Variants in BTBD16 observed in about 807,000 individuals in gnomAD.
BTBD16 encodes BTB domain containing 16.
A neutral mutation model predicts 67.4 loss-of-function variants in BTBD16; 66 were observed. The ratio of observed to expected loss-of-function variants is 0.98; its 90% CI spans 0.80 to 1.20. The LOEUF (loss-of-function observed/expected upper bound fraction) is 1.20. Among genes scored for constraint, BTBD16 ranks in the 50% most tolerant of loss-of-function variants. The pLI is 0.00. For missense variants in BTBD16, 634 were observed against 616.0 expected (o/e 1.03, Z -0.31); for synonymous variants, 242 against 236.4 (o/e 1.02, Z -0.22).
chr10:122,299,925 G>T (rs992749508), intron 9 of BTBD16, among the ~76,000 whole-genome samples: 10 of 152,188 alleles, frequency 6.6e-5, no homozygotes, highest in Non-Finnish European at 1.3e-4. Context: ...CAGCATAAGT[G>T]CAGCCACGGG....
At chr10:122,327,150 G>T (rs6585811) in intron 10 of BTBD16, among the ~76,000 whole-genome samples, 38 of 152,080 alleles carry the variant, frequency 2.5e-4, no homozygotes, top group Admixed American at 2.5e-3. Flanking sequence ...TCCCAGAGCC[G>T]GGTTATATTG....
At chr10:122,314,801 A>T (rs1356280252) in intron 10 of BTBD16, among the ~76,000 whole-genome samples, 3 of 152,220 alleles carry the variant, frequency 2.0e-5, no homozygotes, top group African/African-American at 7.2e-5. Flanking sequence ...TAAGAATAAT[A>T]CTAGATTTAT....
chr10:122,324,729 TC>T lies in BTBD16; in HGVS notation c.912-4747del, dbSNP rs903747783. Among the ~76,000 whole-genome samples, 26 of 152,314 alleles carry T rather than the reference TC, an allele frequency of 1.7e-4. 1 individual carries two copies. Among genetic ancestry groups the T allele is most frequent in the Admixed American group, 1.4e-3 (21 of 15,300 alleles). ...TTGCTCTGAGAGGTGATGACTCTGC[TC>T]CCCTTTAACTTGGATCTCTGGAACC... On this transcript the variant is annotated intron_variant, in intron 10 of 15. Coordinates refer to ENST00000260723, the MANE Select transcript of BTBD16 (RefSeq NM_144587.5).
intron 10 of BTBD16, among the ~76,000 whole-genome samples, chr10:122,309,239 G>A (rs866897279): frequency 4.6e-5 from 7 of 151,968 alleles, no homozygotes; most frequent in Admixed American, 1.3e-4. Flanking sequence ...TGATCCTCTC[G>A]CCTCAGCCTC....
chr10:122,298,457 A>C (rs1004302850), intron 8 of BTBD16, among the ~76,000 whole-genome samples: 4 of 152,216 alleles, frequency 2.6e-5, no homozygotes, highest in African/African-American at 9.6e-5. Context: ...CTTGGGCTGC[A>C]GAAGGACCCC....
intron 10 of BTBD16, among the ~76,000 whole-genome samples, chr10:122,317,317 T>G (rs2142110398): frequency 6.6e-6 from 1 of 152,334 alleles, no homozygotes; most frequent in South Asian, 2.1e-4. Flanking sequence ...CTAAAAAGTT[T>G]ATGTTAATTT....
At chr10:122,286,080 G>C in intron 4 of BTBD16, 25 bp from the exon 5 acceptor site, 1 of 1,605,412 alleles carries the variant, frequency 6.2e-7, no homozygotes, top group Non-Finnish European at 8.5e-7. Flanking sequence ...TGATGTGTTT[G>C]CTCAGCATCA....
Position 122,294,198 on chromosome 10 carries a change from C to G in BTBD16, c.590+3004C>G, listed in dbSNP as rs543360322. The G allele has an allele frequency of 9.1e-6, 9 of 985,380 alleles. No individual in the cohort carries two copies. In the East Asian group the frequency reaches 1.0e-3, roughly 112 times the overall value. 61.0% of individuals were successfully genotyped at this position (985,380 alleles called of 1,614,324 possible). ...GCCTGCCTTTGAGAGGCTGATGGCG[C>G]AGTTGGCAGGGTGTGGCATCATAGG... is the stretch of plus-strand genomic sequence containing the variant. On this transcript the variant is annotated intron_variant, in intron 7 of 15. Coordinates refer to ENST00000260723, the MANE Select transcript of BTBD16 (RefSeq NM_144587.5).
chr10:122,316,268 A>G (rs188267519), intron 10 of BTBD16, among the ~76,000 whole-genome samples: 2 of 152,002 alleles, frequency 1.3e-5, no homozygotes, highest in East Asian at 3.9e-4. Flanking sequence ...CTCCAACTCA[A>G]AAACAAAACA....
rs1176388133 is a variant in BTBD16 at position 122,290,091 on chromosome 10, A to G, written c.475+93A>G. On this transcript the variant is annotated intron_variant, in intron 6 of 15. Transcript: ENST00000260723. The stretch of plus-strand genomic sequence containing the variant: ...CACAAGCAACAACAAAGCAAAACAA[A>G]CCAACAGTAGACAGTGTTCAGTGCT... 8 of 842,004 alleles carry G rather than the reference A, an allele frequency of 9.5e-6. No homozygotes were observed. In the Admixed American group the frequency reaches 1.5e-4, roughly 15 times the overall value. 52.2% of individuals were successfully genotyped at this position (842,004 alleles called of 1,614,324 possible). A position where few individuals can be genotyped will look rare whatever the true frequency, so the allele number is the denominator to read the frequency against.
At chr10:122,279,530 A>ACG (rs1251490129) in intron 3 of BTBD16, among the ~76,000 whole-genome samples, 2 of 151,716 alleles carry the variant, frequency 1.3e-5, no homozygotes, top group African/African-American at 2.4e-5. Flanking sequence ...ACACACACAC[A>ACG]CACACACACA....
chr10:122,284,424 G>C (rs1274676116), intron 4 of BTBD16, among the ~76,000 whole-genome samples: 2 of 150,646 alleles, frequency 1.3e-5, no homozygotes, highest in Admixed American at 6.7e-5. Flanking sequence ...ACTCCAGCCT[G>C]GGTGACAGAG....
At chr10:122,301,411 C>A (rs957561848) in intron 9 of BTBD16, among the ~76,000 whole-genome samples, 1 of 152,164 alleles carries the variant, frequency 6.6e-6, no homozygotes, top group Non-Finnish European at 1.5e-5. Context: ...AAAATGGGTC[C>A]TGCTCCTCCG....
intron 5 of BTBD16, among the ~76,000 whole-genome samples, chr10:122,286,599 A>G (rs2096364290): frequency 6.6e-6 from 1 of 152,174 alleles, no homozygotes; most frequent in South Asian, 2.1e-4. Flanking sequence ...TTGAAAAGAA[A>G]AAATAGGCTA....
chr10:122,306,652 G>A (rs2096404189), intron 9 of BTBD16, among the ~76,000 whole-genome samples: 1 of 152,176 alleles, frequency 6.6e-6, no homozygotes, highest in Admixed American at 6.5e-5. Context: ...AGTGAGTGAG[G>A]CACCTTGGTG....
intron 9 of BTBD16, among the ~76,000 whole-genome samples, chr10:122,304,752 A>G (rs2096400494): frequency 6.6e-6 from 1 of 151,970 alleles, no homozygotes; most frequent in African/African-American, 2.4e-5. Flanking sequence ...ACGGGGTTTC[A>G]TCATGTTAGC....
At chr10:122,309,623 G>A (rs539745786) in intron 10 of BTBD16, among the ~76,000 whole-genome samples, 26 of 152,190 alleles carry the variant, frequency 1.7e-4, no homozygotes, top group African/African-American at 5.8e-4. Flanking sequence ...CATTACAGGC[G>A]TGAGCCACTG....
At chr10:122,336,448 C>T (rs781727773) in intron 14 of BTBD16, 46 bp from the exon 15 acceptor site, 2 of 1,520,800 alleles carry the variant, frequency 1.3e-6, no homozygotes, top group Non-Finnish European at 1.8e-6. Context: ...TAACTCTGGG[C>T]CACCCCGATT....
At chr10:122,289,017 T>G (rs1449793126) in intron 5 of BTBD16, among the ~76,000 whole-genome samples, 1 of 152,146 alleles carries the variant, frequency 6.6e-6, no homozygotes, top group Non-Finnish European at 1.5e-5. Context: ...ACTGAGTGGA[T>G]GGCATTGGCT....
Sources: allele counts gnomAD v4.1 joint callset (sites outside exome capture counted in the v4.1 genomes callset), GRCh38; gene constraint gnomAD v4.1.1; transcripts MANE v1.5; gene names NCBI Gene and HGNC (gene_info 2026-07-23, HGNC 2026-07-21).